The following ANKRD44 variants were observed in gnomAD, a reference collection of about 807,000 sequenced individuals.
ANKRD44 encodes ankyrin repeat domain 44.
ANKRD44 carries 35 observed loss-of-function variants against 116.0 expected under a neutral mutation model. That is an observed-to-expected ratio of 0.30 (90% CI 0.23 to 0.40). ANKRD44 has a LOEUF of 0.40. ANKRD44 is among the 10% of genes least tolerant of loss of function. The pLI is 1.00. For missense variants in ANKRD44, 1,014 were observed against 1,242.6 expected (o/e 0.82, Z 2.77); for synonymous variants, 435 against 461.8 (o/e 0.94, Z 0.74).
chr2:197,121,479 A>G lies in ANKRD44; in HGVS notation c.759T>C (p.Ala253=), dbSNP rs1203187937. 6.2e-7 allele frequency: 1 copy of G among 1,614,226 alleles called. No individual in the cohort carries two copies. Among genetic ancestry groups the G allele is most frequent in the Non-Finnish European group, 8.5e-7 (1 of 1,180,040 alleles). ...LHIACYNGQD[A]VVNELIDYGA... ...CGTAGTCAATCAACTCGTTAACCAC[A>G]GCATCCTGTCCATTGTAGCAGGCGA... Residue 253 remains alanine (A), a synonymous_variant, in exon 8 of 28, where the codon GCT becomes GCC. Coordinates refer to ENST00000282272, the MANE Select transcript of ANKRD44 (RefSeq NM_001195144.2).
At chr2:196,995,605 T>C in intron 25 of ANKRD44, 144 bp from the exon 26 acceptor site, 1 of 593,910 alleles carries the variant, frequency 1.7e-6, no homozygotes. Flanking sequence ...TAATTTTTTT[T>C]CTTCTCAACA....
chr2:196,995,459 A>G lies in ANKRD44; in HGVS notation c.2751T>C (p.Gly917=). 1 of 1,599,490 alleles carries G rather than the reference A, an allele frequency of 6.3e-7. No homozygotes were observed. The highest frequency in any genetic ancestry group is 8.5e-7 in the Non-Finnish European group (1 of 1,172,426). Residue 917 remains glycine, a splice_region_variant and synonymous_variant, in exon 26 of 28, where the codon GGT becomes GGC. Transcript: ENST00000282272. ...NTPLHLACSK[G]HEKCALLILD... is the part of the protein sequence containing the mutation. ...GTATTAACAAGGCACATTTTTCATGACCCTAATAAAGAAAAAGAATGATAA... is the reference window on the plus strand; with the variant it reads ...GTATTAACAAGGCACATTTTTCATGGCCCTAATAAAGAAAAAGAATGATAA...
chr2:197,175,264 A>G (rs1027871782), intron 2 of ANKRD44, among the ~76,000 whole-genome samples: 5 of 152,134 alleles, frequency 3.3e-5, no homozygotes, highest in African/African-American at 4.8e-5. Context: ...ATACTTCCCA[A>G]CCATTAGGTT....
chr2:197,283,576 A>C (rs1156589311), intron 1 of ANKRD44, among the ~76,000 whole-genome samples: 2 of 152,238 alleles, frequency 1.3e-5, no homozygotes, highest in Non-Finnish European at 2.9e-5. Context: ...CTTATAAAAT[A>C]ATTACAGCCT....
intron 3 of ANKRD44, 54 bp downstream of exon 3, chr2:197,146,973 T>C (rs2079520863): frequency 4.6e-6 from 7 of 1,514,604 alleles, no homozygotes; most frequent in Non-Finnish European, 6.4e-6. Flanking sequence ...ATCTAGTAAA[T>C]TGGTTATTTA....
chr2:197,299,218 A>T (rs1399532607), intron 1 of ANKRD44, among the ~76,000 whole-genome samples: 1 of 151,986 alleles, frequency 6.6e-6, no homozygotes, highest in Non-Finnish European at 1.5e-5. Context: ...TTTTAAATAA[A>T]TGAGGTCTGT....
rs147970557 is a variant in ANKRD44, at chr2:197,121,889, T to G, written c.694-345A>C. Among the ~76,000 whole-genome samples, 1,161 of 152,134 alleles carry G rather than the reference T, an allele frequency of 7.6e-3. 5 individuals carry two copies. The highest frequency in any genetic ancestry group is 0.02 in the Middle Eastern group (6 of 294). On this transcript the variant is annotated intron_variant, in intron 7 of 27. Transcript: ENST00000282272. ...GAGGAGAATGAAAAGAGTCCCACAC[T>G]CTAGGATTGGGGCACAGAAAACCTC... is the stretch of plus-strand genomic sequence containing the variant.
rs142130204 is a variant in ANKRD44 at position 197,122,755 on chromosome 2, G to A, written c.588C>T (p.Gly196=). ...LDVVALLINH[G]AEVTCKDKKG... ...TCTTATCCTTACAGGTCACTTCTGCGCCATGGTTAATGAGCAATGCTACAA... is the reference window on the plus strand; with the variant it reads ...TCTTATCCTTACAGGTCACTTCTGCACCATGGTTAATGAGCAATGCTACAA... The change falls in exon 7 of 28, where the codon GGC becomes GGT. Residue 196 remains glycine, a synonymous_variant. Coordinates refer to ENST00000282272, the MANE Select transcript of ANKRD44 (RefSeq NM_001195144.2). The A allele has an allele frequency of 3.9e-5, 63 of 1,614,008 alleles. No homozygotes were observed. The highest frequency in any genetic ancestry group is 1.6e-4 in the Middle Eastern group (1 of 6,082).
intron 9 of ANKRD44, among the ~76,000 whole-genome samples, chr2:197,103,225 C>T (rs1487300183): frequency 1.7e-5 from 1 of 57,906 alleles, no homozygotes; most frequent in Non-Finnish European, 3.8e-5. Context: ...GAGACTCCAT[C>T]TCAAAAAAAA....
intron 3 of ANKRD44, among the ~76,000 whole-genome samples, chr2:197,146,327 A>G (rs545884008): frequency 1.3e-5 from 2 of 152,276 alleles, no homozygotes; most frequent in South Asian, 2.1e-4. Flanking sequence ...CCAGAAATCA[A>G]TATGGTTCCT....
At chr2:197,023,368 G>A (rs1437222298) in intron 17 of ANKRD44, among the ~76,000 whole-genome samples, 2 of 152,164 alleles carry the variant, frequency 1.3e-5, no homozygotes, top group Non-Finnish European at 2.9e-5. Flanking sequence ...TAACTTACAG[G>A]TGGGGAAACC....
chr2:197,270,264 C>T (rs1045532157), intron 1 of ANKRD44, among the ~76,000 whole-genome samples: 64 of 152,178 alleles, frequency 4.2e-4, no homozygotes, highest in African/African-American at 1.5e-3. Flanking sequence ...GCACATGCCA[C>T]TCGGGAGTCA....
chr2:197,223,965 C>A (rs111458189), intron 1 of ANKRD44, among the ~76,000 whole-genome samples: 7 of 144,566 alleles, frequency 4.8e-5, no homozygotes, highest in African/African-American at 1.6e-4. Flanking sequence ...ATAAACAAAC[C>A]CCGAAAAGTA....
chr2:196,973,196 T>C (rs1255087073), intron 21 of ANKRD44, among the ~76,000 whole-genome samples: 1 of 152,206 alleles, frequency 6.6e-6, no homozygotes, highest in African/African-American at 2.4e-5. Context: ...ATCATTGATG[T>C]TGAGATTATA....
chr2:197,005,798 T>C lies in ANKRD44; in HGVS notation c.2243A>G (p.His748Arg). ...GAGCAGCTCGCTCAGCCACGTGGCG[T>C]GGCCACGAGCAGCTGCATAGTGCAA... ...TPLHYAAARG[H>R]ATWLSELLQM... Residue 748 changes from histidine to arginine, a missense_variant, in exon 21 of 28, where the codon CAC (histidine) becomes CGC (arginine). Physicochemically the swap from His to Arg is conservative, Grantham distance 29. Transcript: ENST00000282272. 6.2e-7 allele frequency: 1 copy of C among 1,614,274 alleles called. No homozygotes were observed. The highest frequency in any genetic ancestry group is 8.5e-7 in the Non-Finnish European group (1 of 1,180,042).
intron 25 of ANKRD44, among the ~76,000 whole-genome samples, chr2:196,997,148 T>C (rs1281932393): frequency 6.6e-6 from 1 of 151,684 alleles, no homozygotes; most frequent in Non-Finnish European, 1.5e-5. Context: ...ATAATACAAA[T>C]ATTCCAAAAT....
intron 23 of ANKRD44, among the ~76,000 whole-genome samples, chr2:196,999,938 C>A (rs1352844045): frequency 6.6e-6 from 1 of 152,024 alleles, no homozygotes; most frequent in Non-Finnish European, 1.5e-5. Context: ...TTTGAAACAG[C>A]AAAATATTGG....
At chr2:197,000,357 G>C in intron 23 of ANKRD44, 62 bp downstream of exon 23, 2 of 1,320,142 alleles carry the variant, frequency 1.5e-6, no homozygotes, top group Non-Finnish European at 2.2e-6. Flanking sequence ...TGGCTACTCT[G>C]CAACTGCAAA....
chr2:197,009,076 C>A (rs769133618), intron 18 of ANKRD44, 45 bp from the exon 19 acceptor site: 2 of 1,486,008 alleles, frequency 1.3e-6, no homozygotes, highest in Non-Finnish European at 1.9e-6. Context: ...AACAACACTA[C>A]ACATATCTCT....
Sources: gnomAD v4.1 joint callset for allele counts (sites outside exome capture counted in the v4.1 genomes callset) on GRCh38, gnomAD v4.1.1 for gene constraint, MANE v1.5 for transcripts, NCBI Gene and HGNC (gene_info 2026-07-23, HGNC 2026-07-21) for gene names.